TOX: variants seen among roughly 807,000 people sequenced by gnomAD.
TOX encodes the protein thymocyte selection associated high mobility group box, also known as thymocyte selection-associated high mobility group box protein TOX.
A neutral mutation model predicts 53.7 loss-of-function variants in TOX; 11 were observed. The observed-to-expected ratio is 0.20, with a 90% CI of 0.13 to 0.34. The LOEUF is 0.34. TOX is among the 10% of genes least tolerant of loss of function. The pLI, the probability that TOX is intolerant of heterozygous loss-of-function variation, is 1.00. For synonymous variants in TOX, 225 were observed against 245.3 expected, an observed-to-expected ratio of 0.92 and a Z score of 0.77; for missense variants, 570 against 664.6, an observed-to-expected ratio of 0.86 and a Z score of 1.56.
chr8:59,006,085 C>T (rs1468853517), intron 1 of TOX, among the ~76,000 whole-genome samples: 1 of 152,196 alleles, frequency 6.6e-6, no homozygotes, highest in Non-Finnish European at 1.5e-5. Flanking sequence ...GATGTCAGAT[C>T]TTCTAATGTT....
chr8:59,015,280 G>A (rs1026605568), intron 1 of TOX, among the ~76,000 whole-genome samples: 2 of 152,174 alleles, frequency 1.3e-5, no homozygotes, highest in African/African-American at 4.8e-5. Flanking sequence ...AGCCCCTACT[G>A]CTAGGTGCAG....
At position 58,965,894 on chromosome 8, in the gene TOX, G is replaced by GC. The variant is rs1374766431; in HGVS notation, c.103-5887_103-5886insG. The stretch of plus-strand genomic sequence containing the variant: ...GCCCAGTATAAGATTACGAGTCATC[G>GC]TTTTTTTTTTTTTTTTTTTTTTTTT... On this transcript the variant is annotated intron_variant, in intron 1 of 8. Coordinates refer to ENST00000361421, the MANE Select transcript of TOX (RefSeq NM_014729.3). Among the ~76,000 whole-genome samples the GC allele has an allele frequency of 3.9e-3, 193 of 49,628 alleles. 8 individuals are homozygous for GC. The highest frequency in any genetic ancestry group is 0.014 in the African/African-American group (183 of 13,050). 32.6% of individuals were successfully genotyped at this position (49,628 alleles called of 152,430 possible).
At chr8:58,960,319 G>T (rs1033175347) in intron 1 of TOX, among the ~76,000 whole-genome samples, 1 of 152,036 alleles carries the variant, frequency 6.6e-6, no homozygotes, top group Non-Finnish European at 1.5e-5. Context: ...CATTTTGCAC[G>T]CCATGTATAC....
intron 1 of TOX, among the ~76,000 whole-genome samples, chr8:59,024,034 A>G (rs1814189912): frequency 6.6e-6 from 1 of 152,198 alleles, no homozygotes; most frequent in South Asian, 2.1e-4. Flanking sequence ...AAAAGGCAAT[A>G]TAAAGAAAAG....
At chr8:59,105,660 C>T (rs949330161) in intron 1 of TOX, among the ~76,000 whole-genome samples, 1 of 151,974 alleles carries the variant, frequency 6.6e-6, no homozygotes, top group African/African-American at 2.4e-5. Context: ...TATCCTAAGT[C>T]CATAAAGTCA....
chr8:59,098,995 C>A (rs1351935644), intron 1 of TOX, among the ~76,000 whole-genome samples: 2 of 152,160 alleles, frequency 1.3e-5, no homozygotes, highest in South Asian at 2.1e-4. Context: ...TGTCTACTCT[C>A]GATTAAATTT....
At chr8:59,019,168 T>A (rs970056915) in intron 1 of TOX, among the ~76,000 whole-genome samples, 1 of 152,206 alleles carries the variant, frequency 6.6e-6, no homozygotes, top group African/African-American at 2.4e-5. Flanking sequence ...CTTTCTTTAG[T>A]GTACAAAATT....
rs1214043720 is a variant in TOX, at chr8:58,998,511, A to T, written c.103-38503T>A. ...CTCAAAAGTATATATATATATATAT[A>T]TATATATATATATATATATATATAT... On this transcript the variant is annotated intron_variant, in intron 1 of 8. Transcript: ENST00000361421. 4.6e-3 allele frequency among the ~76,000 whole-genome samples: 453 copies of T among 98,738 alleles called. 14 individuals carry two copies. Among genetic ancestry groups the T allele is most frequent in the African/African-American group, 0.018 (428 of 24,148 alleles). The allele number at this position is 98,738 out of a possible 152,430, so 64.8% of individuals were successfully genotyped here.
chr8:59,061,696 G>A (rs991831236), intron 1 of TOX, among the ~76,000 whole-genome samples: 12 of 151,564 alleles, frequency 7.9e-5, no homozygotes, highest in Non-Finnish European at 1.8e-4. Context: ...CCTTTATGTC[G>A]GTCGTTCCAT....
chr8:58,847,652 T>C (rs1001994307), intron 4 of TOX, among the ~76,000 whole-genome samples: 2 of 152,024 alleles, frequency 1.3e-5, no homozygotes, highest in Admixed American at 6.6e-5. Flanking sequence ...AAAATGCTGA[T>C]AGACAGAAAT....
At chr8:58,935,831 G>A (rs111991923) in intron 3 of TOX, among the ~76,000 whole-genome samples, 296 of 152,250 alleles carry the variant, frequency 1.9e-3, no homozygotes, top group South Asian at 0.01. Context: ...AATATTCAAA[G>A]TTTCTTTCAA....
At chr8:58,828,331 T>G (rs826730) in intron 5 of TOX, among the ~76,000 whole-genome samples, 106,335 of 152,022 alleles carry the variant, frequency 0.7, 38,057 homozygotes, top group East Asian at 0.91. Flanking sequence ...TCTCCTAAAG[T>G]GGGGGGCTTC....
chr8:59,055,338 C>G (rs149312086), intron 1 of TOX, among the ~76,000 whole-genome samples: 25 of 152,274 alleles, frequency 1.6e-4, no homozygotes, highest in African/African-American at 6.0e-4. Context: ...ACCTGCTCCC[C>G]TCAAAGGCAA....
At chr8:59,103,335 A>G (rs989865812) in intron 1 of TOX, among the ~76,000 whole-genome samples, 4 of 152,198 alleles carry the variant, frequency 2.6e-5, no homozygotes, top group African/African-American at 9.7e-5. Context: ...CCTCAACTCT[A>G]TTTTTTAATA....
intron 1 of TOX, among the ~76,000 whole-genome samples, chr8:58,983,101 T>G (rs1196720305): frequency 2.0e-5 from 3 of 152,238 alleles, no homozygotes; most frequent in Non-Finnish European, 4.4e-5. Context: ...CCATTAGTAT[T>G]ACTCCTACAT....
chr8:59,021,481 A>AAAAAAAT (rs59174995), intron 1 of TOX, among the ~76,000 whole-genome samples: 2 of 64,728 alleles, frequency 3.1e-5, no homozygotes, highest in African/African-American at 5.3e-5. Context: ...AAAAAAAAAA[A>AAAAAAAT]ATATATATAT....
At chr8:59,074,203 T>C (rs1804251305) in intron 1 of TOX, among the ~76,000 whole-genome samples, 2 of 152,216 alleles carry the variant, frequency 1.3e-5, no homozygotes, top group East Asian at 1.9e-4. Context: ...GGAACTTGTG[T>C]TCCCTGCTAA....
At chr8:58,852,754 G>C (rs1810846632) in intron 3 of TOX, among the ~76,000 whole-genome samples, 2 of 152,126 alleles carry the variant, frequency 1.3e-5, no homozygotes, top group South Asian at 4.1e-4. Context: ...CAGGCAGGTA[G>C]AGGGCACACA....
chr8:59,041,073 CGT>C (rs61657323), intron 1 of TOX, among the ~76,000 whole-genome samples: 12,146 of 143,786 alleles, frequency 0.084, 588 homozygotes, highest in African/African-American at 0.13. Flanking sequence ...AAAGGGACTC[CGT>C]GTGTGTGTGT....
Sources: gnomAD v4.1 joint callset for allele counts (sites outside exome capture counted in the v4.1 genomes callset) on GRCh38, gnomAD v4.1.1 for gene constraint, MANE v1.5 for transcripts, NCBI Gene and HGNC (gene_info 2026-07-23, HGNC 2026-07-21) for gene names.